The following SHMT1 variants were observed in gnomAD, a reference collection of about 807,000 sequenced individuals.
The protein encoded by SHMT1 is serine hydroxymethyltransferase, cytosolic.
In SHMT1, 45 loss-of-function variants were observed where a neutral mutation model predicts 49.0. The ratio of observed to expected loss-of-function variants is 0.92; its 90% CI spans 0.72 to 1.18. The LOEUF is 1.18. SHMT1 is among the 50% of genes most tolerant of loss of function. SHMT1 has a pLI of 0.00. For synonymous variants in SHMT1, 232 were observed against 246.6 expected (o/e 0.94, Z 0.55); for missense variants, 541 against 612.4 (o/e 0.88, Z 1.23).
At chr17:18,330,842 G>C in intron 9 of SHMT1, 171 bp from the exon 10 acceptor site, 1 of 672,436 alleles carries the variant, frequency 1.5e-6, no homozygotes, top group Non-Finnish European at 2.7e-6. Context: ...CCGTGCCTAA[G>C]AATGTGAAAG....
intron 10 of SHMT1, among the ~76,000 whole-genome samples, chr17:18,329,607 T>C (rs1982956799): frequency 6.6e-6 from 1 of 152,202 alleles, no homozygotes; most frequent in Admixed American, 6.5e-5. Context: ...CACAAAGTGG[T>C]CTGATGTGCC....
At chr17:18,347,975 T>C (rs1985276198) in intron 4 of SHMT1, among the ~76,000 whole-genome samples, 1 of 149,006 alleles carries the variant, frequency 6.7e-6, no homozygotes, top group African/African-American at 2.5e-5. Flanking sequence ...TGGAATGCAA[T>C]GGCGCCATCT....
At chr17:18,341,112 A>G in intron 5 of SHMT1, 1 of 437,386 alleles carries the variant, frequency 2.3e-6, no homozygotes, top group Non-Finnish European at 4.2e-6. Flanking sequence ...GGACCACACA[A>G]TGGAAACCAA....
In SHMT1 at chr17:18,340,639, G is replaced by A; in HGVS notation, c.601+93C>T. 1.8e-6 allele frequency: 2 copies of A among 1,097,770 alleles called. No individual in the cohort carries two copies. The highest frequency in any genetic ancestry group is 5.1e-5 in the East Asian group (2 of 38,972). 68.0% of individuals were successfully genotyped at this position (1,097,770 alleles called of 1,614,324 possible). On this transcript the variant is annotated intron_variant, in intron 6 of 11. Transcript: ENST00000316694. The surrounding 1 kb of genome is among the most constrained non-coding windows in gnomAD (Gnocchi z 4.5). ...GTTATCCAGGGCAGAAACTAGCAGT[G>A]GGCTCAACAGGGTGCGAACATCTTT... is the stretch of plus-strand genomic sequence containing the variant.
intron 7 of SHMT1, among the ~76,000 whole-genome samples, chr17:18,338,601 G>A (rs1431408418): frequency 2.0e-5 from 3 of 152,220 alleles, no homozygotes; most frequent in East Asian, 1.9e-4. Context: ...TGACGATGGC[G>A]GTTTTGTCGA....
intron 3 of SHMT1, chr17:18,353,452 A>G (rs552411565): frequency 4.5e-5 from 27 of 598,932 alleles, no homozygotes; most frequent in Non-Finnish European, 6.3e-5. Flanking sequence ...AAAGCCCCCA[A>G]AGAACTGTGA....
At position 18,338,184 on chromosome 17, in the gene SHMT1, G is replaced by A. The variant is rs542375351; in HGVS notation, c.814+1859C>T. On this transcript the variant is annotated intron_variant, in intron 7 of 11. Coordinates refer to ENST00000316694, the MANE Select transcript of SHMT1 (RefSeq NM_004169.5). ...ATGTGGGGAGCGCCTCTGCCCCGCC[G>A]CCCCGTCTGGGATGTGAGGAGCACC... Among the ~76,000 whole-genome samples the A allele has an allele frequency of 8.5e-4, 125 of 147,878 alleles. 3 individuals are homozygous for A. The East Asian group carries it at 0.018, about 21-fold the overall frequency.
intron 2 of SHMT1, among the ~76,000 whole-genome samples, chr17:18,354,073 A>G (rs1217023262): frequency 1.3e-5 from 2 of 151,998 alleles, no homozygotes; most frequent in African/African-American, 4.8e-5. Flanking sequence ...ACCTGAGGTC[A>G]GGAGTTCTAG....
At chr17:18,351,216 C>T (rs547226506) in intron 3 of SHMT1, among the ~76,000 whole-genome samples, 1 of 152,156 alleles carries the variant, frequency 6.6e-6, no homozygotes, top group South Asian at 2.1e-4. Flanking sequence ...TCTCGGCTCA[C>T]TGCAAACTCC....
chr17:18,353,454 G>T, intron 3 of SHMT1: 2 of 605,848 alleles, frequency 3.3e-6, no homozygotes, highest in Non-Finnish European at 5.9e-6. Context: ...AGCCCCCAAA[G>T]AACTGTGAAA....
intron 2 of SHMT1, among the ~76,000 whole-genome samples, chr17:18,355,410 G>A (rs1986149925): frequency 6.6e-6 from 1 of 151,366 alleles, no homozygotes; most frequent in Non-Finnish European, 1.5e-5. Context: ...CATGGTGGTG[G>A]GTGCCTGCAA....
At position 18,333,191 on chromosome 17, in the gene SHMT1, C is replaced by T. The variant is rs778398065; in HGVS notation, c.1029G>A (p.Thr343=). ...CTGTGACTATTTTGTAGCCCAGCTC[C>T]GTCAGGGCCTCAGACAGAGCCCTGC... ...ANCRALSEAL[T]ELGYKIVTGG... Residue 343 remains threonine, a synonymous_variant, in exon 9 of 12, where the codon ACG becomes ACA. Transcript: ENST00000316694. The T allele has an allele frequency of 5.6e-6, 9 of 1,614,090 alleles. No homozygotes were observed. In the South Asian group the frequency reaches 6.6e-5, roughly 12 times the overall value.
intron 3 of SHMT1, 27 bp downstream of exon 3, chr17:18,353,645 A>C: frequency 6.2e-7 from 1 of 1,612,996 alleles, no homozygotes; most frequent in Non-Finnish European, 8.5e-7. Flanking sequence ...CTGTGTCAGA[A>C]CCAGGCCTTT....
intron 2 of SHMT1, among the ~76,000 whole-genome samples, chr17:18,355,369 CAAAA>C (rs778650524): frequency 5.3e-4 from 33 of 62,744 alleles, no homozygotes; most frequent in African/African-American, 1.8e-3. Context: ...GACTCTGTCT[CAAAA>C]AAAAAAAAAA....
intron 9 of SHMT1, chr17:18,331,872 C>G (rs1369848772): frequency 6.6e-6 from 1 of 152,196 alleles, no homozygotes; most frequent in East Asian, 1.9e-4. Context: ...AAACTTCCAC[C>G]TCAGATCATC....
chr17:18,330,734 G>GAC, intron 9 of SHMT1, 63 bp from the exon 10 acceptor site: 1 of 1,218,846 alleles, frequency 8.2e-7, no homozygotes, highest in Non-Finnish European at 1.2e-6. Context: ...GAATCTCTGA[G>GAC]AAACGAAGGC....
rs1309675007 is a variant in SHMT1, at chr17:18,340,273, A to G, written c.602-18T>C. On this transcript the variant is annotated intron_variant, in intron 6 of 11. Coordinates refer to ENST00000316694, the MANE Select transcript of SHMT1 (RefSeq NM_004169.5). This position sits in a 1 kb window ranked among gnomAD's most constrained non-coding sequence, Gnocchi z 4.5. ...GCTGGTTCCTGAGACAGGAAAGGTG[A>G]CACAGCTGCATCAGAGATGTCCACC... 2.5e-6 allele frequency: 4 copies of G among 1,613,402 alleles called. No homozygotes were observed. Among genetic ancestry groups the G allele is most frequent in the Non-Finnish European group, 3.4e-6 (4 of 1,179,564 alleles).
At chr17:18,356,863 T>A (rs944474546) in intron 1 of SHMT1, among the ~76,000 whole-genome samples, 1 of 152,074 alleles carries the variant, frequency 6.6e-6, no homozygotes, top group African/African-American at 2.4e-5. Flanking sequence ...CAACTCCGCC[T>A]CCTCTCAGCC....
chr17:18,344,575 C>T (rs1247610170), intron 5 of SHMT1, among the ~76,000 whole-genome samples: 4 of 39,066 alleles, frequency 1.0e-4, no homozygotes, highest in East Asian at 5.2e-4. Flanking sequence ...CCACAATTAC[C>T]GGAAAAAAAA....
Sources: allele counts gnomAD v4.1 joint callset (sites outside exome capture counted in the v4.1 genomes callset), GRCh38; gene constraint gnomAD v4.1.1; non-coding constraint Gnocchi (gnomAD v3.1); transcripts MANE v1.5; gene names NCBI Gene and HGNC (gene_info 2026-07-23, HGNC 2026-07-21).